The following CHD1 variants were observed in gnomAD, a reference collection of about 807,000 sequenced individuals.
CHD1 encodes the protein chromodomain helicase DNA binding protein 1.
Under a neutral mutation model 224.2 loss-of-function variants are expected in CHD1, and 36 were observed. The ratio of observed to expected loss-of-function variants is 0.16; its 90% CI spans 0.12 to 0.21. The LOEUF (loss-of-function observed/expected upper bound fraction) is 0.21. Ranked by LOEUF, CHD1 falls within the 10% of genes least tolerant of loss-of-function variation. The pLI is 1.00. For synonymous variants in CHD1, 668 were observed against 658.3 expected (o/e 1.01, Z -0.23); for missense variants, 1,378 against 1,994.8 (o/e 0.69, Z 5.89).
At chr5:98,921,474 G>A (rs987935455) in intron 2 of CHD1, among the ~76,000 whole-genome samples, 2 of 152,208 alleles carry the variant, frequency 1.3e-5, no homozygotes, top group South Asian at 2.1e-4. Flanking sequence ...TCTGGGGCGA[G>A]GCACAAGGTT....
intron 23 of CHD1, 129 bp from the exon 24 acceptor site, chr5:98,876,687 A>G (rs376772925): frequency 1.4e-5 from 11 of 763,194 alleles, no homozygotes; most frequent in South Asian, 5.8e-5. Context: ...TCCATAAACA[A>G]AATTAAAGAG....
At chr5:98,898,488 A>G in intron 9 of CHD1, 54 bp from the exon 10 acceptor site, 1 of 1,389,380 alleles carries the variant, frequency 7.2e-7, no homozygotes, top group Non-Finnish European at 9.5e-7. Flanking sequence ...ACATTTAATC[A>G]TCAGATACAT....
chr5:98,904,953 C>G lies in CHD1; in HGVS notation c.199G>C (p.Asp67His). 6 of 1,613,282 alleles carry G rather than the reference C, an allele frequency of 3.7e-6. No individual in the cohort carries two copies. The highest frequency in any genetic ancestry group is 5.1e-6 in the Non-Finnish European group (6 of 1,179,260). The change falls in exon 3 of 36, where the codon GAC becomes CAC. Residue 67 changes from aspartate (D) to histidine (H), a missense_variant. Coordinates refer to ENST00000614616, the MANE Select transcript of CHD1 (RefSeq NM_001270.4). ...ESGSQSESES[D>H]TSRENKVQAK... The stretch of plus-strand genomic sequence containing the variant: ...TGAACTTTGTTTTCTCGGGAAGTGT[C>G]TGACTCAGACTCTGACTGACTGCCT...
chr5:98,888,007 T>TA (rs930089104), intron 17 of CHD1, 81 bp downstream of exon 17: 9 of 903,250 alleles, frequency 1.0e-5, no homozygotes, highest in Non-Finnish European at 1.4e-5. Flanking sequence ...TAAACACTTA[T>TA]AAAATAATTT....
intron 13 of CHD1, among the ~76,000 whole-genome samples, chr5:98,894,111 A>G (rs1214264691): frequency 4.6e-5 from 7 of 152,216 alleles, no homozygotes; most frequent in Non-Finnish European, 5.9e-5. Context: ...CAAGTTCATT[A>G]AATTCTTTGA....
At chr5:98,877,452 AAT>A (rs1399399453) in intron 23 of CHD1, among the ~76,000 whole-genome samples, 2 of 152,226 alleles carry the variant, frequency 1.3e-5, no homozygotes, top group African/African-American at 4.8e-5. Context: ...CGTTCTGCTT[AAT>A]ATCCACATAT....
intron 22 of CHD1, among the ~76,000 whole-genome samples, 198 bp downstream of exon 22, chr5:98,880,878 C>CTAAATG (rs1750124661): frequency 6.6e-6 from 1 of 152,222 alleles, no homozygotes; most frequent in Non-Finnish European, 1.5e-5. Context: ...TTCCACCCAA[C>CTAAATG]TAAATGTAAC....
At position 98,854,123 on chromosome 5, in the gene CHD1, A is replaced by C. The variant is rs1218733896; in HGVS notation, c.*2257T>G. 1 of 152,004 alleles carries C rather than the reference A, an allele frequency of 6.6e-6. No individual in the cohort carries two copies. Among genetic ancestry groups the C allele is most frequent in the Non-Finnish European group, 1.5e-5 (1 of 67,870 alleles). The allele number at this position is 152,004 out of a possible 1,614,324, so 9.4% of individuals were successfully genotyped here. A position where few individuals can be genotyped will look rare whatever the true frequency, so the allele number is the denominator to read the frequency against. On this transcript the variant is annotated 3_prime_UTR_variant, in exon 36 of 36. Transcript: ENST00000614616. ...ATGAAAACAGAATATTTTATGGAGA[A>C]TGTTCTGCTATATTTATGTACTAAT...
intron 2 of CHD1, among the ~76,000 whole-genome samples, chr5:98,906,407 G>C (rs893851554): frequency 2.0e-5 from 3 of 152,084 alleles, no homozygotes; most frequent in Non-Finnish European, 4.4e-5. Flanking sequence ...TACCTTGCGA[G>C]AAATTTTAGC....
At chr5:98,863,121 T>C (rs571460741) in intron 32 of CHD1, among the ~76,000 whole-genome samples, 1 of 152,226 alleles carries the variant, frequency 6.6e-6, no homozygotes, top group Admixed American at 6.5e-5. Context: ...ATTTGGTAAA[T>C]TGCAAAGACT....
chr5:98,920,507 A>G (rs1753020031), intron 2 of CHD1, among the ~76,000 whole-genome samples: 1 of 152,186 alleles, frequency 6.6e-6, no homozygotes, highest in South Asian at 2.1e-4. Context: ...TAAGAACAAT[A>G]GACAAGGCCA....
At chr5:98,877,508 G>A (rs1749852950) in intron 23 of CHD1, among the ~76,000 whole-genome samples, 1 of 152,096 alleles carries the variant, frequency 6.6e-6, no homozygotes, top group Non-Finnish European at 1.5e-5. Flanking sequence ...AGAAAAAAAT[G>A]CCAGTTGAAC....
At chr5:98,870,061 T>C (rs1168614758) in intron 29 of CHD1, among the ~76,000 whole-genome samples, 179 bp from the exon 30 acceptor site, 1 of 152,140 alleles carries the variant, frequency 6.6e-6, no homozygotes, top group Non-Finnish European at 1.5e-5. Context: ...TCAAATATAA[T>C]ATTAATGTAA....
chr5:98,874,924 A>C, intron 25 of CHD1, 148 bp downstream of exon 25: 1 of 551,428 alleles, frequency 1.8e-6, no homozygotes, highest in Non-Finnish European at 3.3e-6. Context: ...TTTAAAAACA[A>C]TCTGAAATTT....
intron 2 of CHD1, among the ~76,000 whole-genome samples, chr5:98,916,628 T>G (rs1459776584): frequency 6.9e-6 from 1 of 144,148 alleles, no homozygotes; most frequent in Admixed American, 7.1e-5. Context: ...CACAAAAAAA[T>G]GAAGTTACCA....
intron 29 of CHD1, among the ~76,000 whole-genome samples, chr5:98,870,200 T>A (rs1749229011): frequency 6.6e-6 from 1 of 152,336 alleles, no homozygotes; most frequent in Non-Finnish European, 1.5e-5. Flanking sequence ...GCATTAGGAA[T>A]GATTTTTAAC....
chr5:98,875,926 C>A (rs948658469), intron 24 of CHD1, among the ~76,000 whole-genome samples: 1 of 152,034 alleles, frequency 6.6e-6, no homozygotes, highest in Non-Finnish European at 1.5e-5. Context: ...ATATATCCTG[C>A]CTGGCCAATC....
At position 98,893,944 on chromosome 5, in the gene CHD1, G is replaced by GA. The variant is rs531132640; in HGVS notation, c.1801-339dup. 9.3e-5 allele frequency among the ~76,000 whole-genome samples: 14 copies of GA among 150,986 alleles called. No individual in the cohort carries two copies. The South Asian group carries it at 2.3e-3, about 25-fold the overall frequency. Reference sequence around the variant, plus strand: ...TAGAAGCCTCTATTAATGTCAATATGAAAAAAAAACTATGACACAAATTCA... The same window carrying GA: ...TAGAAGCCTCTATTAATGTCAATATGAAAAAAAAAACTATGACACAAATTCA... On this transcript the variant is annotated intron_variant, in intron 13 of 35. Transcript: ENST00000614616.
chr5:98,870,545 C>A, intron 29 of CHD1, 142 bp downstream of exon 29: 1 of 464,914 alleles, frequency 2.2e-6, no homozygotes, highest in South Asian at 5.4e-5. Context: ...TTAAATATGG[C>A]AACATCAAAT....
Sources: gnomAD v4.1 joint callset for allele counts (sites outside exome capture counted in the v4.1 genomes callset) on GRCh38, gnomAD v4.1.1 for gene constraint, MANE v1.5 for transcripts, NCBI Gene and HGNC (gene_info 2026-07-23, HGNC 2026-07-21) for gene names.